The following FAM13B variants were observed in gnomAD, a reference collection of about 807,000 sequenced individuals.
FAM13B encodes protein FAM13B.
FAM13B carries 60 observed loss-of-function variants against 117.3 expected under a neutral mutation model. The ratio of observed to expected loss-of-function variants is 0.51; its 90% CI spans 0.42 to 0.63. FAM13B has a LOEUF of 0.63. Ranked by LOEUF, FAM13B falls within the 30% of genes least tolerant of loss-of-function variation. The pLI, the probability that FAM13B is intolerant of heterozygous loss-of-function variation, is 0.00. For synonymous variants in FAM13B, 332 were observed against 356.1 expected (o/e 0.93, Z 0.76); for missense variants, 972 against 1,091.9 (o/e 0.89, Z 1.55).
chr5:137,940,034 T>C lies in FAM13B; in HGVS notation c.*191A>G, dbSNP rs1761171336. ...GACAGTCTGTGGTTAATATGGAACA[T>C]CACTTACGCTCCCTTGAGAGGGCCT... On this transcript the variant is annotated 3_prime_UTR_variant, in exon 24 of 24. Coordinates refer to ENST00000689681, the MANE Select transcript of FAM13B (RefSeq NM_001385994.1). 1 of 1,612,914 alleles carries C rather than the reference T, an allele frequency of 6.2e-7. No individual in the cohort carries two copies. Among genetic ancestry groups the C allele is most frequent in the Non-Finnish European group, 8.5e-7 (1 of 1,179,386 alleles).
chr5:137,943,790 G>A (rs1762578443), intron 20 of FAM13B, among the ~76,000 whole-genome samples: 1 of 152,066 alleles, frequency 6.6e-6, no homozygotes, highest in Non-Finnish European at 1.5e-5. Flanking sequence ...AGTTTAATGG[G>A]AAGCACTTTT....
chr5:137,954,521 C>CAT, intron 14 of FAM13B, 145 bp from the exon 15 acceptor site: 2 of 433,052 alleles, frequency 4.6e-6, no homozygotes, highest in Non-Finnish European at 7.8e-6. Context: ...CACACACACA[C>CAT]ACATACATGT....
intron 10 of FAM13B, among the ~76,000 whole-genome samples, chr5:137,967,672 TGCTTGAA>T (rs1297800844): frequency 7.3e-5 from 11 of 151,340 alleles, no homozygotes; most frequent in Non-Finnish European, 1.0e-4. Flanking sequence ...GTGGGAGAAT[TGCTTGAA>T]GCCAGGAGTT....
At chr5:138,017,767 T>C (rs1785623323) in intron 4 of FAM13B, among the ~76,000 whole-genome samples, 1 of 152,238 alleles carries the variant, frequency 6.6e-6, no homozygotes, top group African/African-American at 2.4e-5. Flanking sequence ...GATACATCTT[T>C]TTTTGTTTCT....
chr5:138,029,063 T>C (rs1215623916), intron 1 of FAM13B, among the ~76,000 whole-genome samples: 2 of 152,166 alleles, frequency 1.3e-5, no homozygotes, highest in Non-Finnish European at 2.9e-5. Flanking sequence ...GTTTCCCCAG[T>C]TGAACACTAA....
At chr5:138,000,772 A>T (rs1191960478) in intron 7 of FAM13B, among the ~76,000 whole-genome samples, 1 of 152,002 alleles carries the variant, frequency 6.6e-6, no homozygotes, top group Non-Finnish European at 1.5e-5. Flanking sequence ...CCCTATTAAG[A>T]TTACAAAAAT....
intron 1 of FAM13B, among the ~76,000 whole-genome samples, chr5:138,024,013 T>C (rs928562159): frequency 6.6e-6 from 1 of 151,918 alleles, no homozygotes; most frequent in Non-Finnish European, 1.5e-5. Context: ...GACTGGAGAG[T>C]GGCCCAAGGT....
At position 137,942,961 on chromosome 5, in the gene FAM13B, T is replaced by C. The variant is rs761479128; in HGVS notation, c.2502A>G (p.Ser834=). The C allele has an allele frequency of 1.2e-5, 19 of 1,613,728 alleles. No individual in the cohort carries two copies. The highest frequency in any genetic ancestry group is 1.7e-4 in the Middle Eastern group (1 of 6,060). ...MLKTAVQVQS[S]LENSESDVEE... Reference sequence around the variant, plus strand: ...CAACATCAGATTCAGAGTTTTCTAATGAAGACTGTACCTGTACTGCAGTTT... The same window carrying C: ...CAACATCAGATTCAGAGTTTTCTAACGAAGACTGTACCTGTACTGCAGTTT... The change falls in exon 22 of 24, where the codon TCA becomes TCG. Residue 834 remains serine (S), a synonymous_variant. Coordinates refer to ENST00000689681, the MANE Select transcript of FAM13B (RefSeq NM_001385994.1).
At chr5:137,954,792 T>G (rs1766031366) in intron 14 of FAM13B, among the ~76,000 whole-genome samples, 1 of 152,006 alleles carries the variant, frequency 6.6e-6, no homozygotes, top group Admixed American at 6.6e-5. Context: ...ATTTTCTTTT[T>G]TTTGTTGTTG....
intron 2 of FAM13B, among the ~76,000 whole-genome samples, chr5:138,019,702 C>T (rs1443706368): frequency 5.3e-5 from 8 of 149,584 alleles, no homozygotes; most frequent in South Asian, 4.2e-4. Flanking sequence ...TTTTTTGAGA[C>T]GGAGTCTCGC....
At position 137,952,963 on chromosome 5, in the gene FAM13B, T is replaced by C. The variant is rs190573249; in HGVS notation, c.1849-254A>G. 6.6e-5 allele frequency among the ~76,000 whole-genome samples: 10 copies of C among 152,298 alleles called. No homozygotes were observed. The East Asian group carries it at 1.9e-3, about 29-fold the overall frequency. On this transcript the variant is annotated intron_variant, in intron 16 of 23. Coordinates refer to ENST00000689681, the MANE Select transcript of FAM13B (RefSeq NM_001385994.1). ...CTTTCCACTTCATATGTTCTAACTATTAAAATTCTCTTTCCCCTCCTCCAC... is the reference window on the plus strand; with the variant it reads ...CTTTCCACTTCATATGTTCTAACTACTAAAATTCTCTTTCCCCTCCTCCAC...
In FAM13B at chr5:137,939,186, CGTT is replaced by C. The variant is rs1437605421; in HGVS notation, c.*1036_*1038del. On this transcript the variant is annotated 3_prime_UTR_variant, in exon 24 of 24. Transcript: ENST00000689681. ...TGGTCCCTTAAGAGGGCGTTGTTGTCGTTGTTTTGGTATGGATTTTGCTGATTA... is the reference window on the plus strand; with the variant it reads ...TGGTCCCTTAAGAGGGCGTTGTTGTCGTTTTGGTATGGATTTTGCTGATTA... 1 of 151,304 alleles carries C rather than the reference CGTT, an allele frequency of 6.6e-6. No homozygotes were observed. The highest frequency in any genetic ancestry group is 1.5e-5 in the Non-Finnish European group (1 of 67,880). The allele number at this position is 151,304 out of a possible 1,614,324, so 9.4% of individuals were successfully genotyped here.
chr5:137,946,278 CT>C lies in FAM13B; in HGVS notation c.2193del (p.Ala732LeufsTer18). ...TAAAGAAGACTTTTCTGAAGAGAAG[CT>C]TTCTCTTCTACCAAATGATCTTTGG... ...KMTKDHLVEEKASLQKSLLYY... is the reference protein window; with the variant it reads ...KMTKDHLVEEXASLQKSLLYY... On this transcript the variant is annotated frameshift_variant, in exon 19 of 24. Coordinates refer to ENST00000689681, the MANE Select transcript of FAM13B (RefSeq NM_001385994.1). LOFTEE classifies it high-confidence loss of function. 1 of 1,584,870 alleles carries C rather than the reference CT, an allele frequency of 6.3e-7. No homozygotes were observed.
chr5:138,015,853 T>C (rs541178466), intron 4 of FAM13B, among the ~76,000 whole-genome samples: 1 of 152,204 alleles, frequency 6.6e-6, no homozygotes, highest in African/African-American at 2.4e-5. Context: ...AATACTACCA[T>C]ACCTAGCTGC....
intron 7 of FAM13B, among the ~76,000 whole-genome samples, chr5:138,005,671 G>A (rs1002838804): frequency 6.6e-6 from 1 of 151,704 alleles, no homozygotes; most frequent in African/African-American, 2.4e-5. Flanking sequence ...TGTTAAATCG[G>A]GCAACAGAGA....
intron 10 of FAM13B, 50 bp from the exon 11 acceptor site, chr5:137,962,519 T>C: frequency 6.5e-7 from 1 of 1,533,502 alleles, no homozygotes; most frequent in Non-Finnish European, 8.9e-7. Flanking sequence ...AATACTCAGA[T>C]AAGAGAAGTT....
At chr5:137,986,673 T>G (rs1415895731) in intron 9 of FAM13B, among the ~76,000 whole-genome samples, 5 of 152,196 alleles carry the variant, frequency 3.3e-5, no homozygotes, top group African/African-American at 9.7e-5. Context: ...GGACCAGAAG[T>G]GTTTCAGATT....
At chr5:137,956,444 C>CAA (rs3836896) in intron 14 of FAM13B, 33 bp downstream of exon 14, 137 of 1,444,032 alleles carry the variant, frequency 9.5e-5, no homozygotes, top group South Asian at 2.7e-4. Context: ...CCATAAAAGG[C>CAA]AAAAAAACTA....
At chr5:138,029,683 A>G (rs1789392141) in intron 1 of FAM13B, among the ~76,000 whole-genome samples, 2 of 152,206 alleles carry the variant, frequency 1.3e-5, no homozygotes, top group Admixed American at 6.5e-5. Context: ...TGCTCACCCC[A>G]ATGCAAAATG....
Sources: gnomAD v4.1 joint callset for allele counts (sites outside exome capture counted in the v4.1 genomes callset) on GRCh38, gnomAD v4.1.1 for gene constraint, MANE v1.5 for transcripts, NCBI Gene and HGNC (gene_info 2026-07-23, HGNC 2026-07-21) for gene names.